Variants in ATRNL1 observed in about 807,000 individuals in gnomAD.
ATRNL1 encodes attractin like 1, also known as attractin-like protein 1.
A neutral mutation model predicts 182.7 loss-of-function variants in ATRNL1; 95 were observed. The ratio of observed to expected loss-of-function variants is 0.52; its 90% CI spans 0.44 to 0.62. The LOEUF is 0.62. Among genes scored for constraint, ATRNL1 ranks in the 20% least tolerant of loss-of-function variants. The probability of loss-of-function intolerance (pLI) is 0.00; values close to 1 mark genes in which losing one functional copy is unlikely to be tolerated. For synonymous variants in ATRNL1, 576 were observed against 568.3 expected, an observed-to-expected ratio of 1.01 and a Z score of -0.19; for missense variants, 1,471 against 1,679.5, an observed-to-expected ratio of 0.88 and a Z score of 2.17.
chr10:115,879,939 A>G (rs782399189), intron 28 of ATRNL1, among the ~76,000 whole-genome samples: 4 of 152,196 alleles, frequency 2.6e-5, no homozygotes, highest in Non-Finnish European at 4.4e-5. Flanking sequence ...AGCTGAGCTC[A>G]GGAGCCAGGA....
chr10:115,141,634 G>T (rs1019681587), intron 5 of ATRNL1, among the ~76,000 whole-genome samples: 4 of 152,106 alleles, frequency 2.6e-5, no homozygotes, highest in Non-Finnish European at 5.9e-5. Context: ...GTTATTTTAG[G>T]ATAGTATACA....
chr10:115,644,516 A>T (rs1456562145), intron 26 of ATRNL1, among the ~76,000 whole-genome samples: 1 of 152,180 alleles, frequency 6.6e-6, no homozygotes, highest in Non-Finnish European at 1.5e-5. Context: ...ATTCAGATCT[A>T]TTCCAAAGTC....
intron 1 of ATRNL1, among the ~76,000 whole-genome samples, chr10:115,113,550 A>C (rs1434929727): frequency 6.6e-6 from 1 of 151,896 alleles, no homozygotes; most frequent in East Asian, 1.9e-4. Flanking sequence ...TGTTCTCATG[A>C]TAGTGAATAA....
At chr10:115,393,795 A>G (rs1592587594) in intron 19 of ATRNL1, among the ~76,000 whole-genome samples, 1 of 152,118 alleles carries the variant, frequency 6.6e-6, no homozygotes, top group Admixed American at 6.6e-5. Flanking sequence ...AAATCTACCA[A>G]TTGACTGGAT....
chr10:115,368,127 G>C (rs1366396823), intron 19 of ATRNL1, among the ~76,000 whole-genome samples: 2 of 152,162 alleles, frequency 1.3e-5, no homozygotes, highest in Non-Finnish European at 2.9e-5. Context: ...CCCCAGGCTC[G>C]CTGCTGCCTT....
At chr10:115,615,163 C>G (rs1292604988) in intron 26 of ATRNL1, among the ~76,000 whole-genome samples, 1 of 151,668 alleles carries the variant, frequency 6.6e-6, no homozygotes, top group Admixed American at 6.6e-5. Context: ...CATTTGATTC[C>G]TTTCTCTTTC....
chr10:115,465,696 T>C (rs1206184216), intron 22 of ATRNL1, among the ~76,000 whole-genome samples: 1 of 151,580 alleles, frequency 6.6e-6, no homozygotes, highest in Non-Finnish European at 1.5e-5. Flanking sequence ...CCTTCTGATT[T>C]ACTCTATGTA....
intron 19 of ATRNL1, among the ~76,000 whole-genome samples, chr10:115,370,153 C>G (rs1397274898): frequency 6.6e-6 from 1 of 152,194 alleles, no homozygotes; most frequent in African/African-American, 2.4e-5. Flanking sequence ...ATTGTGAGGC[C>G]TCCCCAGCCA....
intron 28 of ATRNL1, among the ~76,000 whole-genome samples, chr10:115,866,178 C>T (rs1402168495): frequency 2.6e-5 from 4 of 152,248 alleles, no homozygotes; most frequent in African/African-American, 9.6e-5. Flanking sequence ...AATTAAGCAT[C>T]TCAAGACTAT....
intron 28 of ATRNL1, among the ~76,000 whole-genome samples, chr10:115,870,572 A>AT (rs1341997237): frequency 3.3e-5 from 5 of 152,248 alleles, no homozygotes; most frequent in Admixed American, 6.5e-5. Flanking sequence ...CCCAGCCTGC[A>AT]TAACTAAGTA....
chr10:115,815,046 C>A (rs971684002), intron 27 of ATRNL1, among the ~76,000 whole-genome samples: 1 of 152,156 alleles, frequency 6.6e-6, no homozygotes, highest in Non-Finnish European at 1.5e-5. Flanking sequence ...ATTTCCAAGA[C>A]AACCCACCTA....
At chr10:115,150,357 ATTT>A (rs1329405646) in intron 5 of ATRNL1, among the ~76,000 whole-genome samples, 6 of 145,714 alleles carry the variant, frequency 4.1e-5, no homozygotes, top group African/African-American at 1.5e-4. Flanking sequence ...TATCTTTATT[ATTT>A]ATCTTCTTCT....
intron 13 of ATRNL1, among the ~76,000 whole-genome samples, chr10:115,269,326 G>C (rs569566888): frequency 1.3e-5 from 2 of 151,904 alleles, no homozygotes; most frequent in South Asian, 4.2e-4. Context: ...TAGAATTAAA[G>C]ATTTTTTTGT....
intron 27 of ATRNL1, among the ~76,000 whole-genome samples, chr10:115,727,633 T>C (rs757190871): frequency 1.3e-5 from 2 of 152,154 alleles, no homozygotes; most frequent in Non-Finnish European, 2.9e-5. Context: ...ATTTAAGATA[T>C]AGGTATGATC....
chr10:115,152,671 T>C (rs1467363768), intron 5 of ATRNL1, among the ~76,000 whole-genome samples: 1 of 152,180 alleles, frequency 6.6e-6, no homozygotes, highest in Non-Finnish European at 1.5e-5. Flanking sequence ...CAGGGACAAT[T>C]TGACTTCCTC....
chr10:115,441,084 G>C (rs543444540), intron 21 of ATRNL1, among the ~76,000 whole-genome samples: 2 of 151,710 alleles, frequency 1.3e-5, no homozygotes, highest in Admixed American at 1.3e-4. Context: ...GAATAACTCT[G>C]TTCCTAACAA....
chr10:115,360,109 C>A (rs1186432478), intron 19 of ATRNL1, among the ~76,000 whole-genome samples: 1 of 151,168 alleles, frequency 6.6e-6, no homozygotes, highest in Non-Finnish European at 1.5e-5. Flanking sequence ...ATGGAATAAT[C>A]GTTTATTTCA....
chr10:115,467,297 C>T (rs782593683), intron 23 of ATRNL1, 45 bp downstream of exon 23: 1 of 1,371,410 alleles, frequency 7.3e-7, no homozygotes, highest in Admixed American at 1.9e-5. Flanking sequence ...GTGTTCCTAT[C>T]TGGAAGTTGT....
At chr10:115,180,202 T>A (rs1156915339) in intron 8 of ATRNL1, among the ~76,000 whole-genome samples, 2 of 152,024 alleles carry the variant, frequency 1.3e-5, no homozygotes, top group Non-Finnish European at 2.9e-5. Flanking sequence ...TTTTTTCAAC[T>A]TCTCCATTAT....
Sources: allele counts gnomAD v4.1 joint callset (sites outside exome capture counted in the v4.1 genomes callset), GRCh38; gene constraint gnomAD v4.1.1; transcripts MANE v1.5; gene names NCBI Gene and HGNC (gene_info 2026-07-23, HGNC 2026-07-21).